Variants in TTC28 observed in about 807,000 individuals in gnomAD.
The protein encoded by TTC28 is tetratricopeptide repeat domain 28.
In TTC28, 61 loss-of-function variants were observed where a neutral mutation model predicts 198.0. The ratio of observed to expected loss-of-function variants is 0.31; its 90% CI spans 0.25 to 0.38. The LOEUF (loss-of-function observed/expected upper bound fraction) is 0.38. Among genes scored for constraint, TTC28 ranks in the 10% least tolerant of loss-of-function variants. The probability of loss-of-function intolerance (pLI) is 1.00; values close to 1 mark genes in which losing one functional copy is unlikely to be tolerated. For missense variants in TTC28, 2,678 were observed against 3,164.0 expected, an observed-to-expected ratio of 0.85 and a Z score of 3.69; for synonymous variants, 1,171 against 1,297.8, an observed-to-expected ratio of 0.90 and a Z score of 2.10.
chr22:28,018,764 G>A (rs1938481784), intron 13 of TTC28, among the ~76,000 whole-genome samples: 1 of 152,188 alleles, frequency 6.6e-6, no homozygotes, highest in Admixed American at 6.5e-5. Flanking sequence ...AGGGTCCCTT[G>A]AACCCTGGGA....
intron 2 of TTC28, among the ~76,000 whole-genome samples, chr22:28,572,952 C>T (rs1397054295): frequency 6.6e-6 from 1 of 151,952 alleles, no homozygotes; most frequent in African/African-American, 2.4e-5. Context: ...AGTCTCAGAC[C>T]AGCCTGAGCA....
chr22:28,234,248 C>T (rs1024722964), intron 5 of TTC28, among the ~76,000 whole-genome samples: 1 of 152,064 alleles, frequency 6.6e-6, no homozygotes, highest in East Asian at 1.9e-4. Flanking sequence ...CACTGTGTTG[C>T]CCAGGCTGGT....
chr22:28,613,490 CA>C (rs2050853618), intron 2 of TTC28, among the ~76,000 whole-genome samples: 2 of 152,080 alleles, frequency 1.3e-5, no homozygotes, highest in South Asian at 4.2e-4. Context: ...GGCAGAGACA[CA>C]ACAAAAAAAG....
At chr22:28,532,216 A>G (rs575838382) in intron 2 of TTC28, among the ~76,000 whole-genome samples, 63 of 152,284 alleles carry the variant, frequency 4.1e-4, no homozygotes, top group Admixed American at 9.8e-4. Flanking sequence ...AAAAAATGAT[A>G]AAGGGGATAC....
intron 13 of TTC28, among the ~76,000 whole-genome samples, chr22:28,018,301 G>GCGCGCGCA (rs1938456934): frequency 9.9e-6 from 1 of 100,942 alleles, no homozygotes; most frequent in African/African-American, 4.4e-5. Flanking sequence ...GCGTGTGTGC[G>GCGCGCGCA]CGCGCGGGGG....
chr22:28,423,983 A>G (rs1689325880), intron 2 of TTC28, among the ~76,000 whole-genome samples: 1 of 152,224 alleles, frequency 6.6e-6, no homozygotes, highest in South Asian at 2.1e-4. Context: ...CTGATGAAAT[A>G]ACTTGGAAAA....
intron 5 of TTC28, among the ~76,000 whole-genome samples, chr22:28,285,922 C>T (rs1039170733): frequency 6.6e-6 from 1 of 152,046 alleles, no homozygotes; most frequent in African/African-American, 2.4e-5. Context: ...AATGGCACAC[C>T]CATAATACAT....
chr22:28,634,129 T>C (rs1203030661), intron 1 of TTC28, among the ~76,000 whole-genome samples: 2 of 152,130 alleles, frequency 1.3e-5, no homozygotes, highest in Non-Finnish European at 2.9e-5. Context: ...AAATGCGCTG[T>C]AGTAAGTGCT....
chr22:28,516,113 C>T (rs553631901), intron 2 of TTC28, among the ~76,000 whole-genome samples: 2 of 151,508 alleles, frequency 1.3e-5, no homozygotes, highest in Non-Finnish European at 2.9e-5. Flanking sequence ...CCATTACACT[C>T]CAGCCTGGGT....
chr22:28,449,616 T>C (rs2047750713), intron 2 of TTC28, among the ~76,000 whole-genome samples: 1 of 152,194 alleles, frequency 6.6e-6, no homozygotes, highest in African/African-American at 2.4e-5. Context: ...AAAGCCTTGC[T>C]TTTAACTTCT....
At chr22:28,206,112 T>C (rs1415769180) in intron 5 of TTC28, among the ~76,000 whole-genome samples, 1 of 152,140 alleles carries the variant, frequency 6.6e-6, no homozygotes, top group East Asian at 1.9e-4. Flanking sequence ...TTGCAAAGTC[T>C]ACTCCCATGA....
intron 2 of TTC28, among the ~76,000 whole-genome samples, chr22:28,614,272 A>C (rs1391646920): frequency 6.6e-6 from 1 of 152,098 alleles, no homozygotes; most frequent in Non-Finnish European, 1.5e-5. Flanking sequence ...GAACTACAAA[A>C]CACTGCTCAA....
At chr22:27,988,054 A>G (rs1937271300) in intron 21 of TTC28, among the ~76,000 whole-genome samples, 1 of 152,112 alleles carries the variant, frequency 6.6e-6, no homozygotes, top group South Asian at 2.1e-4. Context: ...ATCTCTACAA[A>G]AAAAGTTAAA....
At chr22:28,168,643 C>A (rs1922301131) in intron 5 of TTC28, among the ~76,000 whole-genome samples, 1 of 152,118 alleles carries the variant, frequency 6.6e-6, no homozygotes, top group African/African-American at 2.4e-5. Context: ...AACTGGATCC[C>A]TTCCTTACAC....
intron 5 of TTC28, among the ~76,000 whole-genome samples, chr22:28,261,219 T>C (rs1308000526): frequency 2.6e-5 from 4 of 152,108 alleles, no homozygotes; most frequent in Non-Finnish European, 5.9e-5. Context: ...GTATATAACA[T>C]AGAACTAAAT....
At chr22:28,337,914 T>G (rs1002909179) in intron 2 of TTC28, among the ~76,000 whole-genome samples, 4 of 152,240 alleles carry the variant, frequency 2.6e-5, no homozygotes, top group East Asian at 1.9e-4. Flanking sequence ...GCTCGTTGGT[T>G]GATGCAGTTT....
At chr22:28,466,820 T>TACACACACACACACACAC (rs58512456) in intron 2 of TTC28, among the ~76,000 whole-genome samples, 1 of 143,810 alleles carries the variant, frequency 7.0e-6, no homozygotes, top group Non-Finnish European at 1.5e-5. Context: ...TATACATACA[T>TACACACACACACACACAC]ACACACACAC....
intron 2 of TTC28, among the ~76,000 whole-genome samples, chr22:28,439,824 A>G (rs1013764332): frequency 1.8e-4 from 27 of 152,240 alleles, no homozygotes; most frequent in Non-Finnish European, 3.1e-4. Flanking sequence ...TATGATTGAC[A>G]TATAAAAAGC....
intron 2 of TTC28, among the ~76,000 whole-genome samples, chr22:28,543,583 T>C (rs1404372771): frequency 6.6e-6 from 1 of 152,002 alleles, no homozygotes; most frequent in African/African-American, 2.4e-5. Flanking sequence ...TGAAGAACTT[T>C]GTATCTATTA....
Sources: allele counts gnomAD v4.1 joint callset (sites outside exome capture counted in the v4.1 genomes callset), GRCh38; gene constraint gnomAD v4.1.1; transcripts MANE v1.5; gene names NCBI Gene and HGNC (gene_info 2026-07-23, HGNC 2026-07-21).